GPR63: variants seen among roughly 807,000 people sequenced by gnomAD.
GPR63 encodes probable G protein-coupled receptor 63.
Under a neutral mutation model 23.1 loss-of-function variants are expected in GPR63, and 12 were observed. The ratio of observed to expected loss-of-function variants is 0.52; its 90% CI spans 0.33 to 0.84. The LOEUF (loss-of-function observed/expected upper bound fraction) is 0.84. Among genes scored for constraint, GPR63 ranks in the 40% least tolerant of loss-of-function variants. The pLI is 0.02. For missense variants in GPR63, 472 were observed against 515.6 expected (o/e 0.92, Z 0.82); for synonymous variants, 172 against 191.1 (o/e 0.90, Z 0.82).
chr6:96,814,724 A>AT lies in GPR63; in HGVS notation c.-150-14844dup, dbSNP rs375585609. Among the ~76,000 whole-genome samples the AT allele has an allele frequency of 3.7e-3, 557 of 152,254 alleles. 4 individuals carry two copies. The highest frequency in any genetic ancestry group is 0.013 in the African/African-American group (526 of 41,562). ...CCTGGTCTAATACCTTGAGGGTTTT[A>AT]TTTTTAGACTAGCCTTCCCTAAAGG... On this transcript the variant is annotated intron_variant, in intron 1 of 1. Coordinates refer to ENST00000229955, the MANE Select transcript of GPR63 (RefSeq NM_030784.4).
At chr6:96,801,374 T>A (rs958095451) in intron 1 of GPR63, among the ~76,000 whole-genome samples, 2 of 152,132 alleles carry the variant, frequency 1.3e-5, no homozygotes, top group African/African-American at 4.8e-5. Flanking sequence ...TAATTTTGTA[T>A]TTTTAGTAGA....
intron 1 of GPR63, among the ~76,000 whole-genome samples, chr6:96,809,894 A>G (rs1773996765): frequency 6.6e-6 from 1 of 152,190 alleles, no homozygotes; most frequent in Non-Finnish European, 1.5e-5. Flanking sequence ...ATTAAATAAG[A>G]TAGATGAAAG....
chr6:96,830,316 T>C (rs780919901), intron 1 of GPR63, among the ~76,000 whole-genome samples: 17 of 152,192 alleles, frequency 1.1e-4, no homozygotes, highest in Non-Finnish European at 1.9e-4. Context: ...TTCTAAAGGA[T>C]ATTCTGAACT....
intron 1 of GPR63, among the ~76,000 whole-genome samples, chr6:96,805,998 CTA>C (rs1176839270): frequency 5.9e-5 from 9 of 152,148 alleles, no homozygotes; most frequent in Non-Finnish European, 1.0e-4. Flanking sequence ...CTGGTTTTCT[CTA>C]TATGTGTTAG....
chr6:96,816,465 C>T (rs1247912022), intron 1 of GPR63, among the ~76,000 whole-genome samples: 3 of 152,142 alleles, frequency 2.0e-5, no homozygotes, highest in Non-Finnish European at 4.4e-5. Context: ...AACACTCCCA[C>T]CAAAAACAAC....
chr6:96,831,064 T>C (rs1582280084), intron 1 of GPR63, among the ~76,000 whole-genome samples: 1 of 152,228 alleles, frequency 6.6e-6, no homozygotes, highest in African/African-American at 2.4e-5. Flanking sequence ...TTATTTTAAA[T>C]GTTAAGAGTC....
At position 96,798,528 on chromosome 6, in the gene GPR63, G is replaced by C; in HGVS notation, c.1204C>G (p.Arg402Gly). Residue 402 changes from arginine to glycine, a missense_variant, in exon 2 of 2, where the codon CGA becomes GGA. Transcript: ENST00000229955. ...TAGACAGCACTAGGACGTATCCGTC[G>C]CTTTGTGTGACCAGGGAGCTGCGGC... The part of the protein sequence containing the change: ...FLPQLPGHTK[R>G]RIRPSAVYVC... The C allele has an allele frequency of 2.5e-6, 4 of 1,614,174 alleles. No homozygotes were observed. The highest frequency in any genetic ancestry group is 3.4e-6 in the Non-Finnish European group (4 of 1,180,036).
At position 96,799,862 on chromosome 6, in the gene GPR63, T is replaced by A. The variant is rs757822649; in HGVS notation, c.-131A>T. 1.6e-5 allele frequency: 14 copies of A among 876,352 alleles called. No individual in the cohort carries two copies. The highest frequency in any genetic ancestry group is 2.6e-5 in the Non-Finnish European group (14 of 546,406). The allele number at this position is 876,352 out of a possible 1,614,324, so 54.3% of individuals were successfully genotyped here. A position where few individuals can be genotyped will look rare whatever the true frequency, so the allele number is the denominator to read the frequency against. ...TGGAAAATGGACAATGAGTTCCATC[T>A]TCCACAAGAGTCCTTTTGCCTGAAA... On this transcript the variant is annotated 5_prime_UTR_variant, in exon 2 of 2. It adds an upstream start codon to the 5' untranslated region. Coordinates refer to ENST00000229955, the MANE Select transcript of GPR63 (RefSeq NM_030784.4).
chr6:96,828,975 C>T (rs906957584), intron 1 of GPR63, among the ~76,000 whole-genome samples: 7 of 152,206 alleles, frequency 4.6e-5, no homozygotes, highest in African/African-American at 1.7e-4. Flanking sequence ...AAAATCTAAA[C>T]TTGTATGTAT....
chr6:96,819,603 C>T lies in GPR63; in HGVS notation c.-151+17665G>A, dbSNP rs552376118. Among the ~76,000 whole-genome samples the T allele has an allele frequency of 5.3e-5, 8 of 151,700 alleles. No homozygotes were observed. The East Asian group carries it at 1.6e-3, about 29-fold the overall frequency. ...AAACCTAAATGGGGGTTGATAGGAG[C>T]AGCAAACCACCATGGTACATGTATA... is the stretch of plus-strand genomic sequence containing the variant. On this transcript the variant is annotated intron_variant, in intron 1 of 1. Coordinates refer to ENST00000229955, the MANE Select transcript of GPR63 (RefSeq NM_030784.4).
intron 1 of GPR63, among the ~76,000 whole-genome samples, chr6:96,802,706 A>AT (rs370548140): frequency 0.27 from 39,497 of 144,630 alleles, 5,443 homozygotes; most frequent in South Asian, 0.32. Flanking sequence ...TGCCCAGCTA[A>AT]TTTTTTTTTT....
intron 1 of GPR63, among the ~76,000 whole-genome samples, chr6:96,812,061 T>C (rs1774059555): frequency 6.6e-6 from 1 of 152,038 alleles, no homozygotes; most frequent in South Asian, 2.1e-4. Flanking sequence ...CAAAAAGGAA[T>C]ATACAATAAT....
Position 96,798,694 on chromosome 6 carries a change from C to T in GPR63, c.1038G>A (p.Gln346=). ...VATFSKHFYY[Q]HNFFEISTWL... ...AGGTGCTAATCTCAAAAAAGTTGTG[C>T]TGATAGTAAAAGTGCTTACTGAATG... The change falls in exon 2 of 2, where the codon CAG becomes CAA. Residue 346 remains glutamine, a synonymous_variant. Transcript: ENST00000229955. 6.2e-7 allele frequency: 1 copy of T among 1,614,188 alleles called. No individual in the cohort carries two copies. Among genetic ancestry groups the T allele is most frequent in the South Asian group, 1.1e-5 (1 of 91,082 alleles).
intron 1 of GPR63, among the ~76,000 whole-genome samples, chr6:96,836,998 AG>A (rs1261382195): frequency 6.6e-6 from 1 of 150,376 alleles, no homozygotes; most frequent in South Asian, 2.1e-4. Flanking sequence ...CGGGCAGGGG[AG>A]GGGGGCGGGC....
chr6:96,823,739 C>G (rs1248791231), intron 1 of GPR63, among the ~76,000 whole-genome samples: 3 of 152,068 alleles, frequency 2.0e-5, no homozygotes, highest in Non-Finnish European at 2.9e-5. Flanking sequence ...GGTAAGTGCT[C>G]TATATGGGGT....
intron 1 of GPR63, among the ~76,000 whole-genome samples, chr6:96,818,904 C>G (rs1377999543): frequency 6.6e-6 from 1 of 152,048 alleles, no homozygotes; most frequent in Non-Finnish European, 1.5e-5. Flanking sequence ...ATGCAGCCAA[C>G]AAACATAGGA....
At chr6:96,822,554 C>A (rs369249714) in intron 1 of GPR63, among the ~76,000 whole-genome samples, 1 of 152,184 alleles carries the variant, frequency 6.6e-6, no homozygotes, top group Non-Finnish European at 1.5e-5. Context: ...TCTTCCACCA[C>A]GCTATCCATG....
intron 1 of GPR63, among the ~76,000 whole-genome samples, chr6:96,823,686 A>G (rs1179769926): frequency 3.3e-5 from 5 of 152,038 alleles, no homozygotes; most frequent in South Asian, 2.1e-4. Context: ...CTTACCACTC[A>G]CTCATTGACA....
rs1244256657 is a variant in GPR63, at chr6:96,794,155, CAGG to C, written c.*4314_*4316del. On this transcript the variant is annotated 3_prime_UTR_variant, in exon 2 of 2. Transcript: ENST00000229955. ...GTTAAATATTTATTTATTTTCTTAT[CAGG>C]AGTTCTTTTCTTGGTTGTAATAAGA... The C allele has an allele frequency of 1.3e-5, 2 of 151,784 alleles. No homozygotes were observed. Among genetic ancestry groups the C allele is most frequent in the East Asian group, 1.9e-4 (1 of 5,190 alleles). The allele number at this position is 151,784 out of a possible 1,614,324, so 9.4% of individuals were successfully genotyped here.
Sources: allele counts gnomAD v4.1 joint callset (sites outside exome capture counted in the v4.1 genomes callset), GRCh38; gene constraint gnomAD v4.1.1; transcripts MANE v1.5; gene names NCBI Gene and HGNC (gene_info 2026-07-23, HGNC 2026-07-21).